Variants in THSD7A observed in about 807,000 individuals in gnomAD.
THSD7A encodes the protein thrombospondin type-1 domain-containing protein 7A.
THSD7A carries 96 observed loss-of-function variants against 231.3 expected under a neutral mutation model. The observed-to-expected ratio is 0.41, with a 90% CI of 0.35 to 0.49. The LOEUF (loss-of-function observed/expected upper bound fraction) is 0.49, where lower values mean the gene tolerates loss of function less well. THSD7A is among the 20% of genes least tolerant of loss of function. THSD7A has a pLI of 0.05. For missense variants in THSD7A, 2,290 were observed against 2,070.2 expected, an observed-to-expected ratio of 1.11 and a Z score of -2.06; for synonymous variants, 940 against 743.3, an observed-to-expected ratio of 1.26 and a Z score of -4.30.
chr7:11,703,229 A>T (rs1198251827), intron 1 of THSD7A, among the ~76,000 whole-genome samples: 1 of 151,258 alleles, frequency 6.6e-6, no homozygotes, highest in East Asian at 2.0e-4. Context: ...GAGGCTAGAA[A>T]ATATTTTTTT....
chr7:11,744,977 C>G (rs1228275780), intron 1 of THSD7A, among the ~76,000 whole-genome samples: 3 of 151,942 alleles, frequency 2.0e-5, no homozygotes, highest in African/African-American at 7.3e-5. Context: ...ATGGCTGGGT[C>G]AAATGGTATT....
Position 11,460,780 on chromosome 7 carries a change from C to T in THSD7A, c.2502-15G>A. 6.2e-7 allele frequency: 1 copy of T among 1,605,300 alleles called. No individual in the cohort carries two copies. Among genetic ancestry groups the T allele is most frequent in the East Asian group, 2.2e-5 (1 of 44,468 alleles). ...GAGTCTTCCACCTACAAGACAGGAA[C>T]AGAAGCCCAGTGGGGAAGAAGCAAA... On this transcript the variant is annotated splice_polypyrimidine_tract_variant and intron_variant, in intron 10 of 27. Transcript: ENST00000423059.
chr7:11,671,242 T>C (rs1183987635), intron 1 of THSD7A, among the ~76,000 whole-genome samples: 1 of 152,184 alleles, frequency 6.6e-6, no homozygotes, highest in Non-Finnish European at 1.5e-5. Flanking sequence ...AATGGCCAGC[T>C]CCTTTGATAG....
chr7:11,798,479 A>T (rs374472032), intron 1 of THSD7A, among the ~76,000 whole-genome samples: 2 of 152,112 alleles, frequency 1.3e-5, no homozygotes, highest in East Asian at 3.9e-4. Flanking sequence ...TCCAAAAAAC[A>T]AAACAAAAAA....
At chr7:11,702,752 G>A (rs1780644689) in intron 1 of THSD7A, among the ~76,000 whole-genome samples, 1 of 151,106 alleles carries the variant, frequency 6.6e-6, no homozygotes, top group African/African-American at 2.4e-5. Flanking sequence ...CTTAAATGAG[G>A]ATAATATGAG....
intron 11 of THSD7A, among the ~76,000 whole-genome samples, chr7:11,447,912 T>C (rs1216599385): frequency 2.0e-5 from 3 of 152,134 alleles, no homozygotes; most frequent in Non-Finnish European, 4.4e-5. Context: ...AGCTGGTTGG[T>C]AGGTTGGAGT....
chr7:11,489,661 G>A (rs1456527150), intron 6 of THSD7A, among the ~76,000 whole-genome samples: 1 of 152,036 alleles, frequency 6.6e-6, no homozygotes, highest in East Asian at 1.9e-4. Context: ...ATAACCCAAT[G>A]TGCTTGGCAT....
At chr7:11,475,025 A>C (rs1786099990) in intron 7 of THSD7A, among the ~76,000 whole-genome samples, 1 of 152,118 alleles carries the variant, frequency 6.6e-6, no homozygotes, top group South Asian at 2.1e-4. Flanking sequence ...ATCTAAGTAG[A>C]AAAATAAATA....
chr7:11,521,480 A>AT (rs1788261961), intron 6 of THSD7A, among the ~76,000 whole-genome samples: 2 of 118,330 alleles, frequency 1.7e-5, no homozygotes, highest in South Asian at 4.9e-4. Context: ...TTTTTATTTT[A>AT]TTTATTTATT....
chr7:11,700,286 T>A (rs1013153452), intron 1 of THSD7A, among the ~76,000 whole-genome samples: 2 of 151,216 alleles, frequency 1.3e-5, no homozygotes, highest in African/African-American at 2.4e-5. Flanking sequence ...TGTACACTTT[T>A]ACTCTACAAT....
In THSD7A at chr7:11,559,121, T is replaced by A. The variant is rs556701307; in HGVS notation, c.1454-16004A>T. 7.9e-5 allele frequency among the ~76,000 whole-genome samples: 12 copies of A among 152,200 alleles called. No homozygotes were observed. The South Asian group carries it at 2.5e-3, about 31-fold the overall frequency. The stretch of plus-strand genomic sequence containing the variant: ...CTCCAGCTCACAATCAGGAAGGAGA[T>A]GAAGATCTCAGTCTTTGAACTCGAA... On this transcript the variant is annotated intron_variant, in intron 4 of 27. Transcript: ENST00000423059.
At chr7:11,730,323 C>T (rs1405887149) in intron 1 of THSD7A, among the ~76,000 whole-genome samples, 1 of 151,412 alleles carries the variant, frequency 6.6e-6, no homozygotes, top group East Asian at 2.0e-4. Context: ...TTTTGTATTT[C>T]TCTTCTATAA....
intron 18 of THSD7A, among the ~76,000 whole-genome samples, 190 bp downstream of exon 18, chr7:11,412,466 A>G (rs911412595): frequency 9.2e-5 from 14 of 152,012 alleles, no homozygotes; most frequent in Middle Eastern, 3.4e-3. Context: ...TATTTCCTCT[A>G]TCTTAGTGTT....
chr7:11,655,983 T>A (rs769589606), intron 1 of THSD7A, among the ~76,000 whole-genome samples: 2 of 151,922 alleles, frequency 1.3e-5, no homozygotes, highest in Non-Finnish European at 2.9e-5. Flanking sequence ...GAACTAGATC[T>A]TCATTTCACC....
At chr7:11,816,441 G>A (rs1784707400) in intron 1 of THSD7A, among the ~76,000 whole-genome samples, 1 of 152,144 alleles carries the variant, frequency 6.6e-6, no homozygotes, top group Non-Finnish European at 1.5e-5. Flanking sequence ...CACAAGTAAT[G>A]TTTTAGAGAA....
At chr7:11,471,657 C>T (rs190155607) in intron 8 of THSD7A, among the ~76,000 whole-genome samples, 87 of 152,018 alleles carry the variant, frequency 5.7e-4, no homozygotes, top group African/African-American at 1.1e-3. Context: ...ATTTATCTTG[C>T]GCTGGAATTT....
intron 2 of THSD7A, among the ~76,000 whole-genome samples, chr7:11,596,518 G>T (rs1780364889): frequency 6.6e-6 from 1 of 152,114 alleles, no homozygotes; most frequent in Admixed American, 6.5e-5. Context: ...CTCCCTGACT[G>T]GTAGGGTGAG....
intron 13 of THSD7A, among the ~76,000 whole-genome samples, chr7:11,433,500 A>T (rs1784541853): frequency 1.3e-5 from 2 of 152,208 alleles, no homozygotes; most frequent in Middle Eastern, 3.4e-3. Flanking sequence ...TAAGACTACA[A>T]TGAATTAAGA....
At chr7:11,462,809 G>A (rs1419982602) in intron 9 of THSD7A, among the ~76,000 whole-genome samples, 5 of 152,068 alleles carry the variant, frequency 3.3e-5, no homozygotes, top group Non-Finnish European at 7.4e-5. Flanking sequence ...TAACTCTAAA[G>A]TATGTTAAAA....
Sources: gnomAD v4.1 joint callset for allele counts (sites outside exome capture counted in the v4.1 genomes callset) on GRCh38, gnomAD v4.1.1 for gene constraint, MANE v1.5 for transcripts, NCBI Gene and HGNC (gene_info 2026-07-23, HGNC 2026-07-21) for gene names.